PSMD1: variants seen among roughly 807,000 people sequenced by gnomAD.
PSMD1 encodes proteasome 26S subunit, non-ATPase 1, also known as 26S proteasome non-ATPase regulatory subunit 1.
PSMD1 carries 18 observed loss-of-function variants against 119.0 expected under a neutral mutation model. The ratio of observed to expected loss-of-function variants is 0.15; its 90% CI spans 0.10 to 0.22. The LOEUF (loss-of-function observed/expected upper bound fraction) is 0.22. PSMD1 is among the 10% of genes least tolerant of loss of function. The pLI is 1.00. For synonymous variants in PSMD1, 374 were observed against 396.6 expected, an observed-to-expected ratio of 0.94 and a Z score of 0.68; for missense variants, 702 against 1,158.5, an observed-to-expected ratio of 0.61 and a Z score of 5.72.
intron 21 of PSMD1, among the ~76,000 whole-genome samples, chr2:231,164,444 T>C (rs1574779749): frequency 6.6e-6 from 1 of 152,200 alleles, no homozygotes; most frequent in African/African-American, 2.4e-5. Flanking sequence ...AAATTATACT[T>C]TTTTTGATAC....
At chr2:231,067,225 G>T in intron 5 of PSMD1, 114 bp downstream of exon 5, 1 of 786,530 alleles carries the variant, frequency 1.3e-6, no homozygotes, top group Non-Finnish European at 1.9e-6. Flanking sequence ...AGAAATAGCA[G>T]GTGATCTTTT....
chr2:231,070,207 G>A (rs747510691), intron 6 of PSMD1, 39 bp downstream of exon 6: 5 of 1,430,144 alleles, frequency 3.5e-6, no homozygotes, highest in Admixed American at 2.7e-5. Flanking sequence ...ATTGCTCCAC[G>A]CTGTACTGTG....
rs192635082 is a variant in PSMD1 at position 231,163,658 on chromosome 2, G to A, written c.2412G>A (p.Ser804=). The stretch of plus-strand genomic sequence containing the variant: ...AGATGCCGAAAGTTCAGTATAAATC[G>A]AACTGTAAACCATCCACATTTGCAT... ...DLKMPKVQYK[S]NCKPSTFAYP... Residue 804 remains serine, a synonymous_variant, in exon 21 of 25, where the codon TCG becomes TCA. Transcript: ENST00000308696. The A allele has an allele frequency of 8.9e-5, 144 of 1,612,424 alleles. No homozygotes were observed. In the East Asian group the frequency reaches 1.8e-3, roughly 20 times the overall value.
At chr2:231,067,685 C>G (rs976551562) in intron 5 of PSMD1, among the ~76,000 whole-genome samples, 1 of 151,704 alleles carries the variant, frequency 6.6e-6, no homozygotes, top group Non-Finnish European at 1.5e-5. Context: ...GAGATGGAGT[C>G]TCGCTCTGTC....
intron 1 of PSMD1, among the ~76,000 whole-genome samples, chr2:231,059,595 A>C (rs1318162155): frequency 1.3e-5 from 2 of 152,172 alleles, no homozygotes; most frequent in African/African-American, 4.8e-5. Context: ...AGTTGTGCTA[A>C]AAAGCTTTAA....
At chr2:231,101,296 G>T (rs947566511) in intron 16 of PSMD1, among the ~76,000 whole-genome samples, 1 of 152,136 alleles carries the variant, frequency 6.6e-6, no homozygotes, top group Non-Finnish European at 1.5e-5. Flanking sequence ...GCTCTTAAGA[G>T]AATTTAACTG....
At chr2:231,095,065 G>A (rs1694692948) in intron 16 of PSMD1, among the ~76,000 whole-genome samples, 1 of 152,162 alleles carries the variant, frequency 6.6e-6, no homozygotes, top group Non-Finnish European at 1.5e-5. Context: ...GGAGTGTTTA[G>A]TAGGAAAAAC....
rs1211957406 is a variant in PSMD1, at chr2:231,080,203, A to T, written c.1302A>T (p.Gly434=). The T allele has an allele frequency of 1.9e-6, 3 of 1,613,734 alleles. No individual in the cohort carries two copies. Among genetic ancestry groups the T allele is most frequent in the Non-Finnish European group, 2.5e-6 (3 of 1,179,646 alleles). ...ATYLPKDTSP[G]SAYQEGGGLY... The stretch of plus-strand genomic sequence containing the variant: ...ACCTTCCCAAGGATACTTCTCCAGG[A>T]TCAGCCTATCAGGAAGGTGGAGGTC... The change falls in exon 12 of 25, where the codon GGA becomes GGT. Residue 434 remains glycine (G), a synonymous_variant. Coordinates refer to ENST00000308696, the MANE Select transcript of PSMD1 (RefSeq NM_002807.4).
At chr2:231,063,923 C>A (rs980408629) in intron 4 of PSMD1, among the ~76,000 whole-genome samples, 1 of 152,032 alleles carries the variant, frequency 6.6e-6, no homozygotes, top group African/African-American at 2.4e-5. Context: ...TTTGGCCTCC[C>A]AAAGTGTTGG....
chr2:231,165,088 A>ATATATG (rs1696745204), intron 21 of PSMD1, 112 bp from the exon 22 acceptor site: 1 of 152,162 alleles, frequency 6.6e-6, no homozygotes, highest in Non-Finnish European at 1.3e-5. Context: ...ATATATATAT[A>ATATATG]TATGTAATAC....
intron 16 of PSMD1, chr2:231,108,788 C>A: frequency 6.2e-7 from 1 of 1,614,034 alleles, no homozygotes; most frequent in Non-Finnish European, 8.5e-7. Flanking sequence ...GATATATCGG[C>A]CAAATGCATC....
chr2:231,162,840 AG>A (rs1559255028), intron 20 of PSMD1, among the ~76,000 whole-genome samples: 1 of 147,500 alleles, frequency 6.8e-6, no homozygotes, highest in Non-Finnish European at 1.5e-5. Flanking sequence ...AAAAAAAAAA[AG>A]AAAGAAAGAA....
At chr2:231,125,363 A>G (rs1323692884) in intron 16 of PSMD1, among the ~76,000 whole-genome samples, 2 of 152,248 alleles carry the variant, frequency 1.3e-5, no homozygotes, top group Non-Finnish European at 2.9e-5. Flanking sequence ...GAGAAAAAAT[A>G]AGATATAATC....
At chr2:231,169,262 T>C (rs1696857475) in intron 23 of PSMD1, among the ~76,000 whole-genome samples, 1 of 152,154 alleles carries the variant, frequency 6.6e-6, no homozygotes, top group African/African-American at 2.4e-5. Context: ...TGGATCCACA[T>C]TTTCCAAAAA....
At chr2:231,135,536 T>TA (rs966478508) in intron 16 of PSMD1, among the ~76,000 whole-genome samples, 3 of 152,140 alleles carry the variant, frequency 2.0e-5, no homozygotes, top group Admixed American at 6.5e-5. Flanking sequence ...TTATATAACT[T>TA]ACTGTTATTT....
At chr2:231,107,622 G>T (rs755751893) in intron 16 of PSMD1, among the ~76,000 whole-genome samples, 5 of 152,074 alleles carry the variant, frequency 3.3e-5, no homozygotes, top group Non-Finnish European at 5.9e-5. Context: ...GGCACAGGTT[G>T]GACTCATTCT....
chr2:231,083,893 A>G (rs767526055), intron 14 of PSMD1, 130 bp downstream of exon 14: 12 of 845,654 alleles, frequency 1.4e-5, no homozygotes, highest in African/African-American at 5.1e-5. Flanking sequence ...CTGGCAATGT[A>G]TATGAAGCCT....
intron 17 of PSMD1, among the ~76,000 whole-genome samples, chr2:231,143,043 T>C (rs1335470409): frequency 6.6e-6 from 1 of 152,090 alleles, no homozygotes. Context: ...CTGATAATCT[T>C]ACAAGCCTAT....
At chr2:231,118,546 T>G (rs1393686407) in intron 16 of PSMD1, among the ~76,000 whole-genome samples, 1 of 152,228 alleles carries the variant, frequency 6.6e-6, no homozygotes, top group Non-Finnish European at 1.5e-5. Flanking sequence ...ATAACCTGTA[T>G]GCATTGCATG....
Sources: gnomAD v4.1 joint callset for allele counts (sites outside exome capture counted in the v4.1 genomes callset) on GRCh38, gnomAD v4.1.1 for gene constraint, MANE v1.5 for transcripts, NCBI Gene and HGNC (gene_info 2026-07-23, HGNC 2026-07-21) for gene names.